SPATA13: variants seen among roughly 807,000 people sequenced by gnomAD.
SPATA13 encodes spermatogenesis associated 13.
A neutral mutation model predicts 104.0 loss-of-function variants in SPATA13; 50 were observed. The observed-to-expected ratio is 0.48, with a 90% CI of 0.38 to 0.61. The LOEUF is 0.61. Among genes scored for constraint, SPATA13 ranks in the 20% least tolerant of loss-of-function variants. SPATA13 has a pLI of 0.00. For synonymous variants in SPATA13, 606 were observed against 667.5 expected (o/e 0.91, Z 1.42); for missense variants, 1,524 against 1,690.6 (o/e 0.90, Z 1.73).
rs887850823 is a variant in SPATA13, at chr13:24,219,505, C to T, written c.-111-3314C>T. Among the ~76,000 whole-genome samples, 13 of 152,204 alleles carry T rather than the reference C, an allele frequency of 8.5e-5. No individual in the cohort carries two copies. In the South Asian group the frequency reaches 1.9e-3, roughly 22 times the overall value. ...GTTGTAACAACTTCTTACCTTGGTACGGATTAGACAAGGCAGGATAACTGA... is the reference window on the plus strand; with the variant it reads ...GTTGTAACAACTTCTTACCTTGGTATGGATTAGACAAGGCAGGATAACTGA... On this transcript the variant is annotated intron_variant, in intron 1 of 12. Coordinates refer to ENST00000382108, the MANE Select transcript of SPATA13 (RefSeq NM_001166271.3).
At chr13:24,242,271 C>T (rs922803758) in intron 2 of SPATA13, among the ~76,000 whole-genome samples, 3 of 152,054 alleles carry the variant, frequency 2.0e-5, no homozygotes, top group Non-Finnish European at 1.5e-5. Flanking sequence ...ACAGAAGAGT[C>T]CAAGCCGGAT....
At chr13:24,092,447 G>T (rs1879939625) in intron 3 of SPATA13, among the ~76,000 whole-genome samples, 1 of 152,214 alleles carries the variant, frequency 6.6e-6, no homozygotes, top group Non-Finnish European at 1.5e-5. Flanking sequence ...AGAGATAATG[G>T]TTTATATTTT....
At chr13:24,165,534 C>T (rs1219143039) in intron 1 of SPATA13, among the ~76,000 whole-genome samples, 2 of 152,186 alleles carry the variant, frequency 1.3e-5, no homozygotes, top group African/African-American at 4.8e-5. Flanking sequence ...CTGGGCCACC[C>T]AGTCTCCTGC....
intron 2 of SPATA13, among the ~76,000 whole-genome samples, chr13:24,247,482 T>TTTTTTTTTTTTG (rs1873208929): frequency 7.6e-6 from 1 of 131,834 alleles, no homozygotes; most frequent in Non-Finnish European, 1.6e-5. Context: ...CATTCACTTT[T>TTTTTTTTTTTTG]TTTTTTTTTT....
chr13:24,058,256 G>C (rs883646), intron 3 of SPATA13, among the ~76,000 whole-genome samples: 2,008 of 151,928 alleles, frequency 0.013, 101 homozygotes, highest in East Asian at 0.11. Flanking sequence ...AACTCTCTAC[G>C]TGATATTGTT....
chr13:24,072,302 G>C (rs1299665766), intron 3 of SPATA13, among the ~76,000 whole-genome samples: 1 of 152,200 alleles, frequency 6.6e-6, no homozygotes, highest in Non-Finnish European at 1.5e-5. Context: ...CAGCAGAAGA[G>C]AAACTGTCTT....
Position 24,011,618 on chromosome 13 carries a change from C to G in SPATA13, c.-146-6049C>G, listed in dbSNP as rs1307441643. ...GTCCCATGCACCAGGACCCTCAGATCCACCAACAAGGCACTGGCCCTGTCT... is the reference window on the plus strand; with the variant it reads ...GTCCCATGCACCAGGACCCTCAGATGCACCAACAAGGCACTGGCCCTGTCT... On this transcript the variant is annotated intron_variant, in intron 2 of 14. Coordinates refer to the SPATA13 transcript ENST00000424834. The surrounding 1 kb of genome is among the most constrained non-coding windows in gnomAD (Gnocchi z 4.3). 2.0e-5 allele frequency among the ~76,000 whole-genome samples: 3 copies of G among 152,220 alleles called. No individual in the cohort carries two copies. The highest frequency in any genetic ancestry group is 4.4e-5 in the Non-Finnish European group (3 of 68,036).
chr13:24,065,114 C>T (rs549505752), intron 3 of SPATA13, among the ~76,000 whole-genome samples: 2 of 152,224 alleles, frequency 1.3e-5, no homozygotes, highest in Non-Finnish European at 2.9e-5. Context: ...TTATAACTTA[C>T]GGTAGCAAAA....
intron 3 of SPATA13, among the ~76,000 whole-genome samples, chr13:24,046,098 C>T (rs527837749): frequency 6.6e-6 from 1 of 152,068 alleles, no homozygotes; most frequent in Non-Finnish European, 1.5e-5. Flanking sequence ...TTTTTTAAGT[C>T]TTGCTGGAGT....
chr13:24,284,131 T>A lies in SPATA13; in HGVS notation c.2165-4T>A, dbSNP rs766453469. The A allele has an allele frequency of 6.2e-7, 1 of 1,606,252 alleles. No homozygotes were observed. The highest frequency in any genetic ancestry group is 1.1e-5 in the South Asian group (1 of 90,678). On this transcript the variant is annotated splice_region_variant and splice_polypyrimidine_tract_variant and intron_variant, in intron 4 of 12. Transcript: ENST00000382108. ...AAATCATGCCTTTGTTTTGTATGTT[T>A]TAGTTTCTTCAGATGGAGGTACTGA...
At chr13:24,233,254 C>A (rs905550335) in intron 2 of SPATA13, among the ~76,000 whole-genome samples, 3 of 152,032 alleles carry the variant, frequency 2.0e-5, no homozygotes, top group Non-Finnish European at 4.4e-5. Context: ...TGTGTGCTTT[C>A]AAAAAATGTT....
intron 3 of SPATA13, among the ~76,000 whole-genome samples, chr13:24,048,721 A>G (rs1878234875): frequency 6.6e-6 from 1 of 152,186 alleles, no homozygotes; most frequent in African/African-American, 2.4e-5. Context: ...CCCAAGCTGA[A>G]CCGTTTAATA....
At chr13:24,207,374 TAAAATAAAAATCGGAAAG>T (rs1870762442) in intron 1 of SPATA13, among the ~76,000 whole-genome samples, 1 of 152,170 alleles carries the variant, frequency 6.6e-6, no homozygotes. Context: ...CCCCTGAACT[TAAAATAAAAATCGGAAAG>T]AAAATAAAAT....
At chr13:24,101,355 T>C (rs931180541) in intron 3 of SPATA13, among the ~76,000 whole-genome samples, 1 of 152,264 alleles carries the variant, frequency 6.6e-6, no homozygotes, top group Non-Finnish European at 1.5e-5. Context: ...ATGACCACTG[T>C]TGTACTTGAT....
intron 1 of SPATA13, among the ~76,000 whole-genome samples, chr13:24,167,136 G>A (rs1050189542): frequency 2.0e-5 from 3 of 152,204 alleles, no homozygotes; most frequent in African/African-American, 7.2e-5. Flanking sequence ...GGGAACCACT[G>A]TCATAGGTGA....
intron 2 of SPATA13, among the ~76,000 whole-genome samples, chr13:24,005,092 A>G (rs1876164294): frequency 6.6e-6 from 1 of 152,220 alleles, no homozygotes; most frequent in Non-Finnish European, 1.5e-5. Context: ...TTCTCAAAGT[A>G]AGTACTTTTC....
At chr13:24,164,354 C>T (rs765810609) in intron 1 of SPATA13, among the ~76,000 whole-genome samples, 4 of 152,246 alleles carry the variant, frequency 2.6e-5, no homozygotes, top group Non-Finnish European at 5.9e-5. Flanking sequence ...ATGTTTAATG[C>T]CTCTTTTGGC....
chr13:24,079,092 C>T (rs957689455), intron 3 of SPATA13, among the ~76,000 whole-genome samples: 11 of 151,824 alleles, frequency 7.2e-5, no homozygotes, highest in East Asian at 3.9e-4. Context: ...GATCTGATAA[C>T]GGAGGATGAG....
At chr13:24,014,898 T>C (rs1876639264) in intron 2 of SPATA13, among the ~76,000 whole-genome samples, 2 of 142,250 alleles carry the variant, frequency 1.4e-5, no homozygotes, top group East Asian at 2.0e-4. Flanking sequence ...TTTTTTTTTT[T>C]TTTTTTTTTT....
Sources: gnomAD v4.1 joint callset for allele counts (sites outside exome capture counted in the v4.1 genomes callset) on GRCh38, gnomAD v4.1.1 for gene constraint, Gnocchi (gnomAD v3.1) non-coding constraint, MANE v1.5 for transcripts, NCBI Gene and HGNC (gene_info 2026-07-23, HGNC 2026-07-21) for gene names.